ZBTB16: variants seen among roughly 807,000 people sequenced by gnomAD.
The protein encoded by ZBTB16 is zinc finger and BTB domain containing 16, also known as zinc finger and BTB domain-containing protein 16.
In ZBTB16, 8 loss-of-function variants were observed where a neutral mutation model predicts 56.8. The ratio of observed to expected loss-of-function variants is 0.14; its 90% CI spans 0.08 to 0.25. The LOEUF is 0.25. Among genes scored for constraint, ZBTB16 ranks in the 10% least tolerant of loss-of-function variants. ZBTB16 has a pLI of 1.00. For synonymous variants in ZBTB16, 363 were observed against 368.5 expected, an observed-to-expected ratio of 0.98 and a Z score of 0.17; for missense variants, 625 against 903.0, an observed-to-expected ratio of 0.69 and a Z score of 3.95.
At chr11:114,218,115 C>A (rs931367867) in intron 4 of ZBTB16, among the ~76,000 whole-genome samples, 1 of 151,894 alleles carries the variant, frequency 6.6e-6, no homozygotes, top group Non-Finnish European at 1.5e-5. Flanking sequence ...CACCCTCTTG[C>A]TTCCAGGGGG....
rs181882148 is a variant in ZBTB16 at position 114,066,337 on chromosome 11, C to T, written c.1268+1769C>T. On this transcript the variant is annotated intron_variant, in intron 2 of 6. Coordinates refer to ENST00000335953, the MANE Select transcript of ZBTB16 (RefSeq NM_006006.6). ...TTTTCCAGTGGGTGCGAAAAATAACCGCCACTAAGGTGTGTCTTCTTGATG... is the reference window on the plus strand; with the variant it reads ...TTTTCCAGTGGGTGCGAAAAATAACTGCCACTAAGGTGTGTCTTCTTGATG... Among the ~76,000 whole-genome samples, 121 of 152,176 alleles carry T rather than the reference C, an allele frequency of 8.0e-4. 1 individual carries two copies. Among genetic ancestry groups the T allele is most frequent in the Admixed American group, 2.9e-3 (44 of 15,280 alleles).
intron 3 of ZBTB16, among the ~76,000 whole-genome samples, chr11:114,163,659 C>T (rs545778229): frequency 6.6e-6 from 1 of 152,088 alleles, no homozygotes; most frequent in South Asian, 2.1e-4. Context: ...CTCTCCCACC[C>T]CTTCACCTAC....
intron 2 of ZBTB16, among the ~76,000 whole-genome samples, chr11:114,087,921 C>T (rs1051727600): frequency 6.6e-6 from 1 of 152,160 alleles, no homozygotes; most frequent in African/African-American, 2.4e-5. Context: ...GGCAACTCAG[C>T]AGATGCTGCT....
intron 2 of ZBTB16, among the ~76,000 whole-genome samples, chr11:114,115,911 C>T (rs1012317830): frequency 5.3e-5 from 8 of 152,158 alleles, no homozygotes; most frequent in South Asian, 2.1e-4. Context: ...GGACTGTGCC[C>T]GGGGCTTCAC....
intron 1 of ZBTB16, chr11:114,061,521 T>TG (rs1555123448): frequency 1.3e-5 from 2 of 152,310 alleles, no homozygotes; most frequent in Non-Finnish European, 2.9e-5. Flanking sequence ...TGCGTGAGCT[T>TG]GGTGGCTCCT....
At chr11:114,156,616 G>A (rs1942419799) in intron 3 of ZBTB16, among the ~76,000 whole-genome samples, 182 bp downstream of exon 3, 1 of 152,112 alleles carries the variant, frequency 6.6e-6, no homozygotes, top group Non-Finnish European at 1.5e-5. Context: ...TGATGGCGGG[G>A]CCACTTGGAT....
intron 2 of ZBTB16, among the ~76,000 whole-genome samples, chr11:114,097,528 A>C (rs1166313820): frequency 6.6e-6 from 1 of 152,188 alleles, no homozygotes; most frequent in Non-Finnish European, 1.5e-5. Flanking sequence ...TTTGAGAAAA[A>C]ATTCTTAGAA....
intron 4 of ZBTB16, among the ~76,000 whole-genome samples, chr11:114,191,948 G>A (rs1349997748): frequency 1.3e-5 from 2 of 152,144 alleles, no homozygotes; most frequent in Non-Finnish European, 2.9e-5. Context: ...CTTGTGTTGC[G>A]GACTGACCAT....
chr11:114,072,197 C>A (rs192363377), intron 2 of ZBTB16, among the ~76,000 whole-genome samples: 1 of 152,246 alleles, frequency 6.6e-6, no homozygotes, highest in Non-Finnish European at 1.5e-5. Context: ...TCAATCCGTA[C>A]AGTGCTGTAA....
chr11:114,176,980 C>T (rs973349648), intron 3 of ZBTB16, among the ~76,000 whole-genome samples: 2 of 152,146 alleles, frequency 1.3e-5, no homozygotes, highest in Non-Finnish European at 2.9e-5. Flanking sequence ...AGGCCATTTA[C>T]TTATTGCGAT....
intron 3 of ZBTB16, among the ~76,000 whole-genome samples, chr11:114,167,729 C>T (rs1333687106): frequency 6.6e-6 from 1 of 152,126 alleles, no homozygotes; most frequent in Admixed American, 6.5e-5. Context: ...CTTTTATCAT[C>T]CCGGCAACAG....
chr11:114,111,840 A>G (rs1290047292), intron 2 of ZBTB16, among the ~76,000 whole-genome samples: 1 of 152,174 alleles, frequency 6.6e-6, no homozygotes, highest in East Asian at 1.9e-4. Context: ...CAGATGCCAG[A>G]ATGCTGAATT....
chr11:114,245,707 A>G (rs1474596975), intron 5 of ZBTB16, among the ~76,000 whole-genome samples: 2 of 152,172 alleles, frequency 1.3e-5, no homozygotes, highest in Non-Finnish European at 2.9e-5. Flanking sequence ...GGATAATGCA[A>G]AAACGTAGGT....
chr11:114,148,267 C>T (rs967664020), intron 2 of ZBTB16, among the ~76,000 whole-genome samples: 4 of 151,928 alleles, frequency 2.6e-5, no homozygotes, highest in Non-Finnish European at 5.9e-5. Context: ...GTTCCCTCCA[C>T]TCTTCAGTCA....
chr11:114,125,070 C>T (rs1941468820), intron 2 of ZBTB16, among the ~76,000 whole-genome samples: 2 of 152,030 alleles, frequency 1.3e-5, no homozygotes. Flanking sequence ...CCTTCCTCAT[C>T]TGCCTGTTTT....
rs1944939289 is a variant in ZBTB16 at position 114,252,799 on chromosome 11, A to T, written c.*2244A>T. On this transcript the variant is annotated 3_prime_UTR_variant, in exon 7 of 7. Transcript: ENST00000335953. Reference sequence around the variant, plus strand: ...GACGACCCCCCCGTCCCTCGGCCCCAGCCCTCCTGCCCTCCCCTTCAATCT... The same window carrying T: ...GACGACCCCCCCGTCCCTCGGCCCCTGCCCTCCTGCCCTCCCCTTCAATCT... Among the ~76,000 whole-genome samples the T allele has an allele frequency of 1.3e-5, 2 of 151,922 alleles. No individual in the cohort carries two copies. Among genetic ancestry groups the T allele is most frequent in the Admixed American group, 1.3e-4 (2 of 15,242 alleles).
At chr11:114,189,008 T>G in intron 4 of ZBTB16, 1 of 152,120 alleles carries the variant, frequency 6.6e-6, no homozygotes. Flanking sequence ...GCCTGACAAG[T>G]TTAAGGACCC....
chr11:114,219,660 T>A (rs1211547475), intron 4 of ZBTB16, among the ~76,000 whole-genome samples: 1 of 149,090 alleles, frequency 6.7e-6, no homozygotes, highest in Admixed American at 6.7e-5. Flanking sequence ...AAAAAAAGCT[T>A]AAAAAAAAAA....
intron 4 of ZBTB16, among the ~76,000 whole-genome samples, chr11:114,201,966 G>A (rs1943746997): frequency 6.6e-6 from 1 of 152,158 alleles, no homozygotes. Flanking sequence ...AAAAAGAAAA[G>A]GCTGCAAGTA....
Sources: allele counts gnomAD v4.1 joint callset (sites outside exome capture counted in the v4.1 genomes callset), GRCh38; gene constraint gnomAD v4.1.1; transcripts MANE v1.5; gene names NCBI Gene and HGNC (gene_info 2026-07-23, HGNC 2026-07-21).